NIBAN1: variants seen among roughly 807,000 people sequenced by gnomAD.
NIBAN1 encodes niban apoptosis regulator 1, also known as protein Niban 1.
Under a neutral mutation model 75.1 loss-of-function variants are expected in NIBAN1, and 81 were observed. That is an observed-to-expected ratio of 1.08 (90% CI 0.90 to 1.30). The LOEUF is 1.30. NIBAN1 is among the 50% of genes most tolerant of loss of function. The probability of loss-of-function intolerance (pLI) is 0.00; values close to 1 mark genes in which losing one functional copy is unlikely to be tolerated. For missense variants in NIBAN1, 1,133 were observed against 1,128.1 expected (o/e 1.00, Z -0.06); for synonymous variants, 436 against 424.8 (o/e 1.03, Z -0.32).
At chr1:184,910,112 C>T (rs1657202860) in intron 1 of NIBAN1, among the ~76,000 whole-genome samples, 1 of 152,120 alleles carries the variant, frequency 6.6e-6, no homozygotes, top group Admixed American at 6.6e-5. Flanking sequence ...AATCTCATGA[C>T]ATCAGCTCTG....
At position 184,818,807 on chromosome 1, in the gene NIBAN1, G is replaced by A. The variant is rs369137062; in HGVS notation, c.1004C>T (p.Ala335Val). ...GKIKAMVAQP[A>V]EKSCLESVQP... ...CACACTCTCCAAGCAGCTTTTCTCCGCCGGCTGGGCCACCATCGCTGAGGT... is the reference window on the plus strand; with the variant it reads ...CACACTCTCCAAGCAGCTTTTCTCCACCGGCTGGGCCACCATCGCTGAGGT... The change falls in exon 9 of 14, where the codon GCG becomes GTG. Residue 335 changes from alanine to valine, a missense_variant. Physicochemically the swap from Ala to Val is moderately conservative, Grantham distance 64. Transcript: ENST00000367511. 414 of 1,592,150 alleles carry A rather than the reference G, an allele frequency of 2.6e-4. 1 individual carries two copies. Among genetic ancestry groups the A allele is most frequent in the East Asian group, 3.8e-4 (17 of 44,448 alleles).
Position 184,824,692 on chromosome 1 carries a change from T to C in NIBAN1, c.718-950A>G, listed in dbSNP as rs181944030. On this transcript the variant is annotated intron_variant, in intron 6 of 13. Transcript: ENST00000367511. Reference sequence around the variant, plus strand: ...GGTAACCATACAATTGGAAATACTATTTTTTTTTAAATGGAGTTTTATAAA... The same window carrying C: ...GGTAACCATACAATTGGAAATACTACTTTTTTTTAAATGGAGTTTTATAAA... Among the ~76,000 whole-genome samples the C allele has an allele frequency of 1.9e-4, 29 of 151,728 alleles. 1 individual carries two copies. Among genetic ancestry groups the C allele is most frequent in the African/African-American group, 5.8e-4 (24 of 41,414 alleles).
intron 9 of NIBAN1, among the ~76,000 whole-genome samples, chr1:184,809,302 C>T (rs963470858): frequency 1.3e-5 from 2 of 152,114 alleles, no homozygotes; most frequent in Non-Finnish European, 2.9e-5. Flanking sequence ...ACTTGCAGCT[C>T]CTCACCAAAT....
intron 9 of NIBAN1, among the ~76,000 whole-genome samples, chr1:184,810,427 T>C (rs1479301805): frequency 6.6e-6 from 1 of 152,218 alleles, no homozygotes; most frequent in Non-Finnish European, 1.5e-5. Context: ...CTGGGGACCA[T>C]ACTTTCAGAA....
In NIBAN1 at chr1:184,792,944, T is replaced by C. The variant is rs1653736445; in HGVS notation, c.*2033A>G. On this transcript the variant is annotated 3_prime_UTR_variant, in exon 14 of 14. Transcript: ENST00000367511. ...ACACACCATGCTAAATGCCAGGATA[T>C]GAGTGAGCACTGCAGAAAGCAGAGA... 1 of 152,212 alleles carries C rather than the reference T, an allele frequency of 6.6e-6. No individual in the cohort carries two copies. Among genetic ancestry groups the C allele is most frequent in the Non-Finnish European group, 1.5e-5 (1 of 68,054 alleles). 9.4% of individuals were successfully genotyped at this position (152,212 alleles called of 1,614,324 possible).
At chr1:184,839,143 T>A (rs1035232454) in intron 5 of NIBAN1, among the ~76,000 whole-genome samples, 3 of 152,106 alleles carry the variant, frequency 2.0e-5, no homozygotes, top group Non-Finnish European at 4.4e-5. Flanking sequence ...AACAATCCCA[T>A]CAGGCAGGAA....
At chr1:184,844,168 A>G (rs184015470) in intron 5 of NIBAN1, among the ~76,000 whole-genome samples, 2 of 152,354 alleles carry the variant, frequency 1.3e-5, no homozygotes, top group Admixed American at 1.3e-4. Context: ...ATTCTTCCTG[A>G]CTGATTCTAT....
In NIBAN1 at chr1:184,827,560, G is replaced by GTTTTTTTT. The variant is rs58483276; in HGVS notation, c.718-3826_718-3819dup. Among the ~76,000 whole-genome samples, 567 of 117,646 alleles carry GTTTTTTTT rather than the reference G, an allele frequency of 4.8e-3. 26 individuals are homozygous for GTTTTTTTT. Among genetic ancestry groups the GTTTTTTTT allele is most frequent in the South Asian group, 9.5e-3 (38 of 4,002 alleles). The allele number at this position is 117,646 out of a possible 152,430, so 77.2% of individuals were successfully genotyped here. A position where few individuals can be genotyped will look rare whatever the true frequency, so the allele number is the denominator to read the frequency against. ...ACATAAGTGACCTAAAAATACTTCA[G>GTTTTTTTT]TTTTTTTTTTTTTTAATGGGGGGTG... On this transcript the variant is annotated intron_variant, in intron 6 of 13. Coordinates refer to ENST00000367511, the MANE Select transcript of NIBAN1 (RefSeq NM_052966.4).
At chr1:184,945,649 TC>T (rs11320995) in intron 1 of NIBAN1, among the ~76,000 whole-genome samples, 3,205 of 152,338 alleles carry the variant, frequency 0.021, 103 homozygotes, top group African/African-American at 0.072. Context: ...GATATGTGTA[TC>T]TTTTAATGAT....
At chr1:184,856,052 C>T (rs1028056371) in intron 5 of NIBAN1, among the ~76,000 whole-genome samples, 5 of 152,164 alleles carry the variant, frequency 3.3e-5, no homozygotes, top group Non-Finnish European at 5.9e-5. Flanking sequence ...TGTTATTCTT[C>T]AGTATCAAAG....
intron 5 of NIBAN1, among the ~76,000 whole-genome samples, chr1:184,853,515 T>TC (rs1215835907): frequency 6.6e-6 from 1 of 152,234 alleles, no homozygotes; most frequent in African/African-American, 2.4e-5. Flanking sequence ...CACTGATTCA[T>TC]CCTATTTTTA....
At chr1:184,838,846 G>A (rs1655205696) in intron 5 of NIBAN1, among the ~76,000 whole-genome samples, 2 of 152,192 alleles carry the variant, frequency 1.3e-5, no homozygotes, top group Non-Finnish European at 1.5e-5. Context: ...AGTAAACTGT[G>A]CCAAGCCCTG....
chr1:184,890,931 T>A (rs535143459), intron 3 of NIBAN1, among the ~76,000 whole-genome samples: 1 of 152,178 alleles, frequency 6.6e-6, no homozygotes, highest in East Asian at 1.9e-4. Context: ...AACATTTAAG[T>A]ATGTGCATCT....
At chr1:184,899,410 C>T in intron 1 of NIBAN1, 101 bp from the exon 2 acceptor site, 1 of 1,215,820 alleles carries the variant, frequency 8.2e-7, no homozygotes, top group Non-Finnish European at 1.2e-6. Context: ...GTTTCTATCC[C>T]TCCAGTCACC....
intron 1 of NIBAN1, among the ~76,000 whole-genome samples, chr1:184,946,069 G>A (rs1319590413): frequency 6.6e-6 from 1 of 151,938 alleles, no homozygotes; most frequent in East Asian, 1.9e-4. Flanking sequence ...CAAAAACAGG[G>A]ACAGATAGAT....
intron 1 of NIBAN1, among the ~76,000 whole-genome samples, chr1:184,915,284 G>T (rs945448114): frequency 6.6e-6 from 1 of 152,206 alleles, no homozygotes; most frequent in Non-Finnish European, 1.5e-5. Flanking sequence ...TCCTCCAGGA[G>T]ATTCTTACGA....
intron 5 of NIBAN1, among the ~76,000 whole-genome samples, chr1:184,880,425 G>A (rs1286102651): frequency 6.6e-6 from 1 of 152,184 alleles, no homozygotes; most frequent in Admixed American, 6.5e-5. Context: ...TCCTATTGCT[G>A]TTATAATAGA....
At chr1:184,867,864 C>A in intron 5 of NIBAN1, 1 of 985,430 alleles carries the variant, frequency 1.0e-6, no homozygotes, top group Non-Finnish European at 1.2e-6. Context: ...AGACCCTTAC[C>A]TTAATAGAGG....
chr1:184,806,637 T>C (rs1378883450), intron 10 of NIBAN1, among the ~76,000 whole-genome samples: 1 of 152,110 alleles, frequency 6.6e-6, no homozygotes, highest in African/African-American at 2.4e-5. Flanking sequence ...CGTTCCTCTT[T>C]CATCCCTCAC....
Sources: gnomAD v4.1 joint callset for allele counts (sites outside exome capture counted in the v4.1 genomes callset) on GRCh38, gnomAD v4.1.1 for gene constraint, MANE v1.5 for transcripts, NCBI Gene and HGNC (gene_info 2026-07-23, HGNC 2026-07-21) for gene names.